The following RIMS2 variants were observed in gnomAD, a reference collection of about 807,000 sequenced individuals.
RIMS2 encodes the protein regulating synaptic membrane exocytosis 2.
RIMS2 carries 59 observed loss-of-function variants against 174.4 expected under a neutral mutation model. That is an observed-to-expected ratio of 0.34 (90% CI 0.27 to 0.42). The LOEUF (loss-of-function observed/expected upper bound fraction) is 0.42. Ranked by LOEUF, RIMS2 falls within the 10% of genes least tolerant of loss-of-function variation. The pLI is 1.00. For missense variants in RIMS2, 1,620 were observed against 1,666.3 expected (o/e 0.97, Z 0.48); for synonymous variants, 606 against 572.5 (o/e 1.06, Z -0.84).
intron 1 of RIMS2, chr8:103,568,752 C>G (rs928747398): frequency 5.6e-6 from 6 of 1,069,082 alleles, no homozygotes; most frequent in Admixed American, 3.5e-5. Flanking sequence ...AGATTCTTCA[C>G]TGGGTAAGGA....
chr8:103,516,088 G>T (rs1394998487), intron 1 of RIMS2, among the ~76,000 whole-genome samples: 2 of 151,912 alleles, frequency 1.3e-5, no homozygotes. Flanking sequence ...GTTGGCAGTT[G>T]GCAGTTTCTA....
chr8:103,851,826 G>C (rs2935297), intron 3 of RIMS2, among the ~76,000 whole-genome samples: 1 of 151,682 alleles, frequency 6.6e-6, no homozygotes, highest in Admixed American at 6.6e-5. Context: ...CATTATTTTT[G>C]ATTGCATTGC....
chr8:103,967,051 T>C (rs1486749791), intron 15 of RIMS2, among the ~76,000 whole-genome samples: 1 of 152,024 alleles, frequency 6.6e-6, no homozygotes, highest in Non-Finnish European at 1.5e-5. Flanking sequence ...TTGAGAAGAA[T>C]GTATATGCTG....
intron 11 of RIMS2, among the ~76,000 whole-genome samples, chr8:103,930,958 ATCAG>A: frequency 6.6e-6 from 1 of 152,214 alleles, no homozygotes; most frequent in Non-Finnish European, 1.5e-5. Context: ...AAAGATACAG[ATCAG>A]TCATTGTATA....
chr8:103,875,962 G>T (rs1345221249), intron 3 of RIMS2, among the ~76,000 whole-genome samples: 3 of 151,648 alleles, frequency 2.0e-5, no homozygotes, highest in African/African-American at 7.3e-5. Flanking sequence ...GATTATTTGG[G>T]TTTTTTGCTG....
intron 3 of RIMS2, among the ~76,000 whole-genome samples, chr8:103,814,753 C>G (rs1049711263): frequency 1.3e-5 from 2 of 152,136 alleles, no homozygotes; most frequent in African/African-American, 2.4e-5. Flanking sequence ...ATGGTGCACA[C>G]CTATAGTCCT....
intron 1 of RIMS2, among the ~76,000 whole-genome samples, chr8:103,558,415 G>C (rs895509428): frequency 1.3e-5 from 2 of 152,038 alleles, no homozygotes; most frequent in Non-Finnish European, 2.9e-5. Flanking sequence ...GTAGAGATGG[G>C]GTTTTGCCAT....
At chr8:103,803,166 G>T (rs1452388846) in intron 3 of RIMS2, among the ~76,000 whole-genome samples, 3 of 151,984 alleles carry the variant, frequency 2.0e-5, no homozygotes, top group East Asian at 3.9e-4. Flanking sequence ...GATTGGGTGG[G>T]GAATAAAGTT....
chr8:104,066,791 A>C (rs1332919007), intron 19 of RIMS2, among the ~76,000 whole-genome samples: 17 of 152,240 alleles, frequency 1.1e-4, no homozygotes, highest in Admixed American at 5.9e-4. Flanking sequence ...TAAGGAAGAA[A>C]TTGTCTCACT....
chr8:103,989,387 G>T, exon 17 of RIMS2: 2 of 1,609,496 alleles, frequency 1.2e-6, no homozygotes, highest in Non-Finnish European at 1.7e-6. Context: ...CAGACATCGT[G>T]TCATGGATGA....
chr8:103,941,629 A>T (rs1464019843), intron 13 of RIMS2, among the ~76,000 whole-genome samples: 6 of 152,230 alleles, frequency 3.9e-5, no homozygotes, highest in Non-Finnish European at 7.3e-5. Context: ...TCCTAAAAAA[A>T]ATAGACATTC....
At chr8:104,033,069 C>T (rs1026992841) in intron 19 of RIMS2, among the ~76,000 whole-genome samples, 10 of 151,678 alleles carry the variant, frequency 6.6e-5, no homozygotes, top group African/African-American at 2.4e-4. Context: ...AGAAAGATGG[C>T]GTAGTGCTAA....
At chr8:103,794,121 C>T (rs2098529101) in intron 3 of RIMS2, among the ~76,000 whole-genome samples, 1 of 152,088 alleles carries the variant, frequency 6.6e-6, no homozygotes, top group African/African-American at 2.4e-5. Flanking sequence ...GCCCACATTG[C>T]CATGACCATC....
chr8:103,812,334 T>TTTTTG (rs2098692897), intron 3 of RIMS2, among the ~76,000 whole-genome samples: 1 of 142,648 alleles, frequency 7.0e-6, no homozygotes, highest in South Asian at 2.3e-4. Flanking sequence ...TTACCTTGTT[T>TTTTTG]TTTTTTTTTT....
chr8:104,133,683 T>A (rs1447256357), intron 19 of RIMS2, among the ~76,000 whole-genome samples: 4 of 152,134 alleles, frequency 2.6e-5, no homozygotes, highest in African/African-American at 9.7e-5. Context: ...TGGCATGGAT[T>A]TGAATGGTCA....
At chr8:103,640,926 T>C (rs955507147) in intron 1 of RIMS2, among the ~76,000 whole-genome samples, 1 of 152,132 alleles carries the variant, frequency 6.6e-6, no homozygotes, top group Non-Finnish European at 1.5e-5. Flanking sequence ...CAACTGTATA[T>C]GTCAATTATT....
chr8:103,500,783 G>A lies in RIMS2; in HGVS notation c.-104G>A. ...TGGATTGAAGGCCATTGATTTGTAT[G>A]TATTTGTCCCAGCGCTGGAGGCTGC... is the stretch of plus-strand genomic sequence containing the variant. On this transcript the variant is annotated 5_prime_UTR_variant, in exon 1 of 24. The change abolishes an upstream ATG in the 5' untranslated region. Transcript: ENST00000504942. The A allele has an allele frequency of 1.6e-6, 1 of 637,646 alleles. No homozygotes were observed. The highest frequency in any genetic ancestry group is 2.7e-6 in the Non-Finnish European group (1 of 373,870). 39.5% of individuals were successfully genotyped at this position (637,646 alleles called of 1,614,324 possible).
At chr8:104,034,465 T>C (rs1467266320) in intron 19 of RIMS2, among the ~76,000 whole-genome samples, 1 of 79,222 alleles carries the variant, frequency 1.3e-5, no homozygotes, top group African/African-American at 6.9e-5. Flanking sequence ...GCAGTATCTT[T>C]TTTTTTTTTT....
intron 10 of RIMS2, among the ~76,000 whole-genome samples, chr8:103,923,851 C>G (rs1381383602): frequency 6.6e-6 from 1 of 151,622 alleles, no homozygotes. Flanking sequence ...AATCCTGACA[C>G]TGAAATATAA....
Sources: allele counts gnomAD v4.1 joint callset (sites outside exome capture counted in the v4.1 genomes callset), GRCh38; gene constraint gnomAD v4.1.1; transcripts MANE v1.5; gene names NCBI Gene and HGNC (gene_info 2026-07-23, HGNC 2026-07-21).